Variants in TBC1D5 observed in about 807,000 individuals in gnomAD.
TBC1D5 encodes the protein TBC1 domain family, member 5.
Under a neutral mutation model 100.3 loss-of-function variants are expected in TBC1D5, and 75 were observed. That is an observed-to-expected ratio of 0.75 (90% CI 0.62 to 0.91). The LOEUF (loss-of-function observed/expected upper bound fraction) is 0.91, where lower values mean the gene tolerates loss of function less well. TBC1D5 is among the 40% of genes least tolerant of loss of function. TBC1D5 has a pLI of 0.00. For synonymous variants in TBC1D5, 323 were observed against 325.6 expected (o/e 0.99, Z 0.09); for missense variants, 910 against 942.4 (o/e 0.97, Z 0.45).
intron 13 of TBC1D5, among the ~76,000 whole-genome samples, chr3:17,346,064 TATAATA>T (rs1315137811): frequency 6.6e-6 from 1 of 151,932 alleles, no homozygotes; most frequent in Admixed American, 6.6e-5. Flanking sequence ...AAACTTAAAG[TATAATA>T]ATAATAATAA....
At chr3:17,308,490 T>G (rs1253823074) in intron 13 of TBC1D5, among the ~76,000 whole-genome samples, 1 of 152,144 alleles carries the variant, frequency 6.6e-6, no homozygotes, top group East Asian at 1.9e-4. Context: ...AAAATAAAAT[T>G]TTCCAAAATT....
intron 8 of TBC1D5, among the ~76,000 whole-genome samples, chr3:17,393,718 TG>T (rs2093423506): frequency 6.6e-6 from 1 of 152,080 alleles, no homozygotes; most frequent in Non-Finnish European, 1.5e-5. Context: ...AAGCAAGCAA[TG>T]GGGAAAGGAC....
intron 15 of TBC1D5, among the ~76,000 whole-genome samples, chr3:17,281,403 G>C (rs555855953): frequency 6.6e-6 from 1 of 152,234 alleles, no homozygotes; most frequent in East Asian, 1.9e-4. Flanking sequence ...ATCAGCATAT[G>C]AGGACCATAC....
chr3:17,443,907 G>A (rs555836277), intron 3 of TBC1D5, among the ~76,000 whole-genome samples: 5 of 152,234 alleles, frequency 3.3e-5, no homozygotes, highest in African/African-American at 9.6e-5. Flanking sequence ...AATGAACGGA[G>A]TGTCAAGGAT....
intron 2 of TBC1D5, among the ~76,000 whole-genome samples, chr3:17,508,835 T>G (rs1253840780): frequency 6.6e-6 from 1 of 152,186 alleles, no homozygotes; most frequent in Non-Finnish European, 1.5e-5. Context: ...ATAATCTTTA[T>G]CTTAATTTTG....
intron 1 of TBC1D5, among the ~76,000 whole-genome samples, chr3:17,662,679 T>C (rs1419812307): frequency 6.6e-6 from 1 of 152,198 alleles, no homozygotes; most frequent in African/African-American, 2.4e-5. Flanking sequence ...CTAAGTTATT[T>C]GCAACTGTTA....
chr3:17,447,992 AT>A (rs1239315182), intron 3 of TBC1D5, among the ~76,000 whole-genome samples: 1 of 152,044 alleles, frequency 6.6e-6, no homozygotes, highest in Non-Finnish European at 1.5e-5. Flanking sequence ...AAGCTCTTTA[AT>A]TTTTAGGGTA....
chr3:17,195,768 T>C (rs987943557), intron 18 of TBC1D5, among the ~76,000 whole-genome samples: 1 of 151,136 alleles, frequency 6.6e-6, no homozygotes, highest in African/African-American at 2.4e-5. Context: ...TTTTTTTTTT[T>C]TTAACATAAA....
intron 14 of TBC1D5, among the ~76,000 whole-genome samples, chr3:17,298,655 C>T (rs149155698): frequency 2.8e-4 from 42 of 152,196 alleles, no homozygotes; most frequent in African/African-American, 9.9e-4. Context: ...AATTAATAAA[C>T]AATCTGTATT....
intron 2 of TBC1D5, among the ~76,000 whole-genome samples, chr3:17,554,403 C>T (rs1411245573): frequency 6.6e-6 from 1 of 152,146 alleles, no homozygotes; most frequent in Non-Finnish European, 1.5e-5. Flanking sequence ...TGGGGAAGCT[C>T]TCCTGGGGTG....
intron 13 of TBC1D5, among the ~76,000 whole-genome samples, chr3:17,324,142 A>AT (rs2085780492): frequency 6.6e-6 from 1 of 152,234 alleles, no homozygotes; most frequent in Admixed American, 6.5e-5. Context: ...CCTCGTACTT[A>AT]TATTTTACAT....
At chr3:17,602,482 G>C (rs1454961177) in intron 2 of TBC1D5, among the ~76,000 whole-genome samples, 2 of 147,352 alleles carry the variant, frequency 1.4e-5, no homozygotes, top group African/African-American at 5.0e-5. Context: ...TGAGCATTAA[G>C]ATTAAACATT....
Position 17,238,434 on chromosome 3 carries a change from A to C in TBC1D5, c.1332-15T>G. 6.2e-7 allele frequency: 1 copy of C among 1,601,624 alleles called. No homozygotes were observed. The highest frequency in any genetic ancestry group is 1.1e-5 in the South Asian group (1 of 89,426). On this transcript the variant is annotated splice_polypyrimidine_tract_variant and intron_variant, in intron 16 of 21. Transcript: ENST00000253692. ...TGGCATTGGTCCTGTTAAAAAAAGAAATGGAGAAGCATTATTTACATTAGA... is the reference window on the plus strand; with the variant it reads ...TGGCATTGGTCCTGTTAAAAAAAGACATGGAGAAGCATTATTTACATTAGA...
chr3:17,320,142 T>G (rs1230750158), intron 13 of TBC1D5, among the ~76,000 whole-genome samples: 1 of 152,228 alleles, frequency 6.6e-6, no homozygotes, highest in Non-Finnish European at 1.5e-5. Context: ...GGAAGCAAAT[T>G]GCTTACTTCA....
At chr3:17,736,487 G>A (rs1030054357) in intron 1 of TBC1D5, among the ~76,000 whole-genome samples, 9 of 152,052 alleles carry the variant, frequency 5.9e-5, no homozygotes, top group African/African-American at 1.7e-4. Flanking sequence ...AAGTAAAAGG[G>A]GTCTAGTTTA....
chr3:17,281,835 A>C (rs1041255576), intron 15 of TBC1D5, among the ~76,000 whole-genome samples: 2 of 152,222 alleles, frequency 1.3e-5, no homozygotes, highest in African/African-American at 4.8e-5. Context: ...AATATACTTA[A>C]GAGGCAAATA....
chr3:17,592,341 T>G (rs370494025), intron 2 of TBC1D5, among the ~76,000 whole-genome samples: 1 of 152,210 alleles, frequency 6.6e-6, no homozygotes, highest in Non-Finnish European at 1.5e-5. Flanking sequence ...ACTGGACTTA[T>G]TGGTGAGACA....
At chr3:17,452,392 CAT>C (rs2094948510) in intron 3 of TBC1D5, among the ~76,000 whole-genome samples, 1 of 152,090 alleles carries the variant, frequency 6.6e-6, no homozygotes, top group Non-Finnish European at 1.5e-5. Context: ...AAAACCAAGA[CAT>C]GATGAAAACC....
At chr3:17,223,522 A>G (rs565142942) in intron 17 of TBC1D5, among the ~76,000 whole-genome samples, 1 of 152,270 alleles carries the variant, frequency 6.6e-6, no homozygotes, top group African/African-American at 2.4e-5. Flanking sequence ...AGTTATAAAT[A>G]CCACTAGAAG....
Sources: allele counts gnomAD v4.1 joint callset (sites outside exome capture counted in the v4.1 genomes callset), GRCh38; gene constraint gnomAD v4.1.1; transcripts MANE v1.5; gene names NCBI Gene and HGNC (gene_info 2026-07-23, HGNC 2026-07-21).